Variants in MAPK13 observed in about 807,000 individuals in gnomAD.
MAPK13 encodes mitogen-activated protein kinase 13, also known as MAP kinase 13.
A neutral mutation model predicts 53.5 loss-of-function variants in MAPK13; 39 were observed. The observed-to-expected ratio is 0.73, with a 90% CI of 0.56 to 0.95. MAPK13 has a LOEUF of 0.95. Among genes scored for constraint, MAPK13 ranks in the 40% least tolerant of loss-of-function variants. The pLI, the probability that MAPK13 is intolerant of heterozygous loss-of-function variation, is 0.00. For missense variants in MAPK13, 460 were observed against 471.8 expected, an observed-to-expected ratio of 0.98 and a Z score of 0.23; for synonymous variants, 179 against 190.9, an observed-to-expected ratio of 0.94 and a Z score of 0.51.
intron 3 of MAPK13, among the ~76,000 whole-genome samples, chr6:36,135,484 G>A (rs796528784): frequency 6.6e-6 from 1 of 152,230 alleles, no homozygotes; most frequent in African/African-American, 2.4e-5. Flanking sequence ...TTGAAGAGCG[G>A]GAACACAGTT....
rs1766495769 is a variant in MAPK13, at chr6:36,139,682, G to GTGT, written c.*312_*314dup. The GTGT allele has an allele frequency of 2.7e-6, 1 of 368,298 alleles. No homozygotes were observed. Among genetic ancestry groups the GTGT allele is most frequent in the Non-Finnish European group, 5.0e-6 (1 of 198,802 alleles). The allele number at this position is 368,298 out of a possible 1,614,324, so 22.8% of individuals were successfully genotyped here. ...GCCGGGGGCCTATGGCAGTGATGCTGTGTTGGTTTCCTAGGGATGCTCTAA... is the reference window on the plus strand; with the variant it reads ...GCCGGGGGCCTATGGCAGTGATGCTGTGTTGTTGGTTTCCTAGGGATGCTCTAA... On this transcript the variant is annotated 3_prime_UTR_variant, in exon 12 of 12. Coordinates refer to ENST00000211287, the MANE Select transcript of MAPK13 (RefSeq NM_002754.5).
Position 36,139,607 on chromosome 6 carries a change from T to TG in MAPK13, c.*238dup. 1 of 522,750 alleles carries TG rather than the reference T, an allele frequency of 1.9e-6. No individual in the cohort carries two copies. The highest frequency in any genetic ancestry group is 3.4e-6 in the Non-Finnish European group (1 of 291,034). 32.4% of individuals were successfully genotyped at this position (522,750 alleles called of 1,614,324 possible). On this transcript the variant is annotated 3_prime_UTR_variant, in exon 12 of 12. Coordinates refer to ENST00000211287, the MANE Select transcript of MAPK13 (RefSeq NM_002754.5). The stretch of plus-strand genomic sequence containing the variant: ...GCCCATCTGGAGAATCGCCTGCAGG[T>TG]GGGGCCCTTTCCTTCCCGCCAGAGT...
chr6:36,132,235 C>G (rs1766336206), intron 2 of MAPK13, among the ~76,000 whole-genome samples: 1 of 152,226 alleles, frequency 6.6e-6, no homozygotes, highest in Admixed American at 6.5e-5. Context: ...AGGGAGTTTG[C>G]TGGCTGAAAA....
At chr6:36,137,007 CTT>C in intron 8 of MAPK13, 57 bp downstream of exon 8, 1 of 1,442,502 alleles carries the variant, frequency 6.9e-7, no homozygotes, top group Non-Finnish European at 9.7e-7. Flanking sequence ...TCAACAGACA[CTT>C]TATTTAAATA....
Position 36,131,340 on chromosome 6 carries a change from G to T in MAPK13, c.189G>T (p.Glu63Asp). 1 of 1,613,962 alleles carries T rather than the reference G, an allele frequency of 6.2e-7. No homozygotes were observed. Among genetic ancestry groups the T allele is most frequent in the South Asian group, 1.1e-5 (1 of 91,082 alleles). The change falls in exon 2 of 12, where the codon GAG becomes GAT. Residue 63 changes from glutamate (E) to aspartate (D), a missense_variant. Transcript: ENST00000211287. ...IKKLSRPFQSEIFAKRAYREL... is the reference protein window; with the variant it reads ...IKKLSRPFQSDIFAKRAYREL... ...AGCTGAGCCGACCCTTTCAGTCCGA[G>T]ATCTTCGCCAAGCGCGCCTACCGGG...
rs1262772219 is a variant in MAPK13, at chr6:36,137,029, T to G, written c.682+79T>G. 11 of 1,267,522 alleles carry G rather than the reference T, an allele frequency of 8.7e-6. No individual in the cohort carries two copies. In the African/African-American group the frequency reaches 1.5e-4, roughly 17 times the overall value. 78.5% of individuals were successfully genotyped at this position (1,267,522 alleles called of 1,614,324 possible). A position where few individuals can be genotyped will look rare whatever the true frequency, so the allele number is the denominator to read the frequency against. ...ACACTTTATTTAAATAACTGTCTTT[T>G]TTTTCTTAATGTGAGAGTGATACAT... On this transcript the variant is annotated intron_variant, in intron 8 of 11. Transcript: ENST00000211287.
Position 36,138,766 on chromosome 6 carries a change from G to C in MAPK13, c.827G>C (p.Arg276Pro). 3 of 1,614,098 alleles carry C rather than the reference G, an allele frequency of 1.9e-6. No individual in the cohort carries two copies. The highest frequency in any genetic ancestry group is 2.5e-6 in the Non-Finnish European group (3 of 1,180,004). Reference protein sequence around the residue: ...PRKDFTQLFPRASPQAADLLE... With the variant: ...PRKDFTQLFPPASPQAADLLE... ...AAGGATTTCACTCAGCTGTTCCCAC[G>C]GGCCAGCCCCCAGGGTGAGTCTCAG... The change falls in exon 10 of 12, where the codon CGG becomes CCG. Residue 276 changes from arginine (R) to proline (P), a missense_variant. Transcript: ENST00000211287.
At position 36,140,018 on chromosome 6, in the gene MAPK13, A is replaced by G. The variant is rs1383338975; in HGVS notation, c.*645A>G. The G allele has an allele frequency of 2.6e-5, 4 of 152,136 alleles. No homozygotes were observed. Among genetic ancestry groups the G allele is most frequent in the African/African-American group, 9.6e-5 (4 of 41,492 alleles). The allele number at this position is 152,136 out of a possible 1,614,324, so 9.4% of individuals were successfully genotyped here. ...ATCCTTATTAATTAAACCTGCAAAT[A>G]CTCTAGTTCCAAATAAAGTCACATT... On this transcript the variant is annotated 3_prime_UTR_variant, in exon 12 of 12. Coordinates refer to ENST00000211287, the MANE Select transcript of MAPK13 (RefSeq NM_002754.5).
In MAPK13 at chr6:36,130,552, A is replaced by T; in HGVS notation, c.-31A>T. On this transcript the variant is annotated 5_prime_UTR_variant, in exon 1 of 12. Transcript: ENST00000211287. This position sits in a 1 kb window ranked among gnomAD's most constrained non-coding sequence, Gnocchi z 4.5. ...CCGTTGGGCCGCGAACGCAGCCGCC[A>T]CGCTGGGGCCGCCGAGATCGGGTGC... 1 of 1,253,890 alleles carries T rather than the reference A, an allele frequency of 8.0e-7. No homozygotes were observed. Among genetic ancestry groups the T allele is most frequent in the Non-Finnish European group, 1.1e-6 (1 of 901,704 alleles). The allele number at this position is 1,253,890 out of a possible 1,614,324, so 77.7% of individuals were successfully genotyped here. A position where few individuals can be genotyped will look rare whatever the true frequency, so the allele number is the denominator to read the frequency against.
In MAPK13 at chr6:36,141,003, G is replaced by T. The variant is rs1489204620; in HGVS notation, c.*1630G>T. The T allele has an allele frequency of 6.6e-6, 1 of 151,962 alleles. No individual in the cohort carries two copies. The highest frequency in any genetic ancestry group is 1.5e-5 in the Non-Finnish European group (1 of 68,008). The allele number at this position is 151,962 out of a possible 1,614,324, so 9.4% of individuals were successfully genotyped here. On this transcript the variant is annotated 3_prime_UTR_variant, in exon 12 of 12. Coordinates refer to ENST00000211287, the MANE Select transcript of MAPK13 (RefSeq NM_002754.5). ...TTTTGTATAGGCGGGGTTTCTCTAT[G>T]TTGCCCAGGCTGATCTTGAACTTCT...
At chr6:36,136,570 C>T in intron 6 of MAPK13, 39 bp downstream of exon 6, 1 of 1,591,798 alleles carries the variant, frequency 6.3e-7, no homozygotes. Context: ...GCGGGATAGG[C>T]CCTCCCCCAG....
At chr6:36,136,409 C>A (rs1440003230) in intron 5 of MAPK13, 75 bp from the exon 6 acceptor site, 2 of 1,330,102 alleles carry the variant, frequency 1.5e-6, no homozygotes, top group Non-Finnish European at 1.0e-6. Flanking sequence ...GAGGTCACAC[C>A]CCTGGGTGGT....
At chr6:36,139,213 C>T in intron 11 of MAPK13, 81 bp from the exon 12 acceptor site, 1 of 1,470,974 alleles carries the variant, frequency 6.8e-7, no homozygotes. Flanking sequence ...TGACTTCGCT[C>T]TCCATGCTGT....
At position 36,138,966 on chromosome 6, in the gene MAPK13, C is replaced by G. The variant is rs372731935; in HGVS notation, c.929C>G (p.Pro310Arg). ...GCCCTCACCCATCCCTTCTTTGAACCCTTCCGGGACCCTGAGGAAGAGACG... is the reference window on the plus strand; with the variant it reads ...GCCCTCACCCATCCCTTCTTTGAACGCTTCCGGGACCCTGAGGAAGAGACG... Reference protein sequence around the residue: ...AQALTHPFFEPFRDPEEETEA... With the variant: ...AQALTHPFFERFRDPEEETEA... The change falls in exon 11 of 12, where the codon CCC (proline) becomes CGC (arginine). Residue 310 changes from proline (P) to arginine (R), a missense_variant. Physicochemically the swap from Pro to Arg is moderately radical, Grantham distance 103. Transcript: ENST00000211287. The G allele has an allele frequency of 3.1e-6, 5 of 1,613,940 alleles. No homozygotes were observed. Among genetic ancestry groups the G allele is most frequent in the East Asian group, 4.5e-5 (2 of 44,868 alleles).
chr6:36,130,609 C>G lies in MAPK13; in HGVS notation c.27C>G (p.Phe9Leu), dbSNP rs1435949223. 1.3e-6 allele frequency: 2 copies of G among 1,582,932 alleles called. No individual in the cohort carries two copies. Residue 9 changes from phenylalanine to leucine, a missense_variant, in exon 1 of 12, where the codon TTC (phenylalanine) becomes TTG (leucine). By Grantham distance (22) the Phe-to-Leu change is conservative. Transcript: ENST00000211287. The surrounding 1 kb of genome is among the most constrained non-coding windows in gnomAD (Gnocchi z 4.5). MSLIRKKG[F>L]YKQDVNKTAW... is the part of the protein sequence containing the mutation. ...TGAGCCTCATCCGGAAAAAGGGCTT[C>G]TACAAGCAGGACGTCAACAAGACAG...
In MAPK13 at chr6:36,143,155, C is replaced by A. The variant is rs1766565597; in HGVS notation, c.*3782C>A. ...CCTAAGAGCAAGTGTACCCTCCATT[C>A]CCTCTTTTGAGGAACAAAGAGTATC... On this transcript the variant is annotated 3_prime_UTR_variant, in exon 12 of 12. Coordinates refer to ENST00000211287, the MANE Select transcript of MAPK13 (RefSeq NM_002754.5). 1 of 152,200 alleles carries A rather than the reference C, an allele frequency of 6.6e-6. No homozygotes were observed. The highest frequency in any genetic ancestry group is 6.5e-5 in the Admixed American group (1 of 15,282). 9.4% of individuals were successfully genotyped at this position (152,200 alleles called of 1,614,324 possible).
rs1451618552 is a variant in MAPK13, at chr6:36,136,504, G to C, written c.468G>C (p.Leu156=). The part of the protein sequence containing the change: ...VVHRDLKPGN[L]AVNEDCELKI... ...CCCAGGACCTGAAGCCAGGCAACCTGGCTGTGAATGAGGACTGTGAACTGA... is the reference window on the plus strand; with the variant it reads ...CCCAGGACCTGAAGCCAGGCAACCTCGCTGTGAATGAGGACTGTGAACTGA... The change falls in exon 6 of 12, where the codon CTG becomes CTC. Residue 156 remains leucine, a synonymous_variant. Transcript: ENST00000211287. 6.2e-7 allele frequency: 1 copy of C among 1,602,758 alleles called. No homozygotes were observed. Among genetic ancestry groups the C allele is most frequent in the African/African-American group, 1.3e-5 (1 of 74,560 alleles).
chr6:36,143,507 A>C lies in MAPK13; in HGVS notation c.*4134A>C, dbSNP rs1423583586. The C allele has an allele frequency of 6.6e-6, 1 of 152,068 alleles. No homozygotes were observed. The highest frequency in any genetic ancestry group is 1.5e-5 in the Non-Finnish European group (1 of 67,994). 9.4% of individuals were successfully genotyped at this position (152,068 alleles called of 1,614,324 possible). A position where few individuals can be genotyped will look rare whatever the true frequency, so the allele number is the denominator to read the frequency against. ...CTTTTGCTGTCTGCTAGGGTGTGGA[A>C]AACTGTTTTTCCATGGCCCCAAGCA... On this transcript the variant is annotated 3_prime_UTR_variant, in exon 12 of 12. Coordinates refer to ENST00000211287, the MANE Select transcript of MAPK13 (RefSeq NM_002754.5).
In MAPK13 at chr6:36,130,976, G is replaced by A. The variant is rs958923293; in HGVS notation, c.119+275G>A. 5.7e-6 allele frequency: 3 copies of A among 527,058 alleles called. No individual in the cohort carries two copies. The highest frequency in any genetic ancestry group is 1.0e-5 in the Non-Finnish European group (3 of 296,260). 32.6% of individuals were successfully genotyped at this position (527,058 alleles called of 1,614,324 possible). On this transcript the variant is annotated intron_variant, in intron 1 of 11. Transcript: ENST00000211287. This position sits in a 1 kb window ranked among gnomAD's most constrained non-coding sequence, Gnocchi z 4.5. The stretch of plus-strand genomic sequence containing the variant: ...CGGGCAGATCCTCACTGTTACAGAC[G>A]AGTACACCGAGGCCCCAAGAGGGGG...
Sources: gnomAD v4.1 joint callset for allele counts (sites outside exome capture counted in the v4.1 genomes callset) on GRCh38, gnomAD v4.1.1 for gene constraint, Gnocchi (gnomAD v3.1) non-coding constraint, MANE v1.5 for transcripts, NCBI Gene and HGNC (gene_info 2026-07-23, HGNC 2026-07-21) for gene names.